F5: variants seen among roughly 807,000 people sequenced by gnomAD.
F5 encodes the protein activated protein c cofactor.
Under a neutral mutation model 216.4 loss-of-function variants are expected in F5, and 138 were observed. The ratio of observed to expected loss-of-function variants is 0.64; its 90% CI spans 0.56 to 0.73. F5 has a LOEUF of 0.73. F5 is among the 30% of genes least tolerant of loss of function. The pLI, the probability that F5 is intolerant of heterozygous loss-of-function variation, is 0.00. For synonymous variants in F5, 916 were observed against 930.7 expected, an observed-to-expected ratio of 0.98 and a Z score of 0.29; for missense variants, 2,403 against 2,674.0, an observed-to-expected ratio of 0.90 and a Z score of 2.24.
At chr1:169,529,429 CCA>C (rs1002985468) in intron 16 of F5, among the ~76,000 whole-genome samples, 177 bp downstream of exon 16, 5 of 152,204 alleles carry the variant, frequency 3.3e-5, no homozygotes, top group Middle Eastern at 3.4e-3. Flanking sequence ...TTTGCCTCAC[CCA>C]CAGTGTCACC....
chr1:169,562,000 A>T (rs1660495982), intron 3 of F5, among the ~76,000 whole-genome samples: 1 of 147,774 alleles, frequency 6.8e-6, no homozygotes, highest in Non-Finnish European at 1.5e-5. Context: ...CCTATTCCCC[A>T]CCCTCCTTCC....
intron 21 of F5, 100 bp from the exon 22 acceptor site, chr1:169,520,764 A>G: frequency 1.0e-6 from 1 of 980,348 alleles, no homozygotes; most frequent in Admixed American, 2.1e-5. Flanking sequence ...CTACATTTTC[A>G]TGGGGTCCAA....
Position 169,549,870 on chromosome 1 carries a change from G to C in F5, c.1542C>G (p.Asp514Glu). 1 of 1,614,168 alleles carries C rather than the reference G, an allele frequency of 6.2e-7. No homozygotes were observed. The highest frequency in any genetic ancestry group is 8.5e-7 in the Non-Finnish European group (1 of 1,180,016). Residue 514 changes from aspartate to glutamate, a missense_variant, in exon 10 of 25, where the codon GAC becomes GAG. Coordinates refer to ENST00000367797, the MANE Select transcript of F5 (RefSeq NM_000130.5). ...PYYSDVDIMRDIASGLIGLLL... is the reference protein window; with the variant it reads ...PYYSDVDIMREIASGLIGLLL... ...GTAGTCCTATTAGCCCAGAGGCGAT[G>C]TCTCTCATGATGTCCACGTCACTGT...
At position 169,528,026 on chromosome 1, in the gene F5, G is replaced by C; in HGVS notation, c.5488C>G (p.Leu1830Val). The change falls in exon 17 of 25, where the codon CTG becomes GTG. Residue 1830 changes from leucine to valine, a missense_variant. Transcript: ENST00000367797. ...TCTTGGGAGCCGCCTATGTTCAGCAGGTGTAACCTCACCCACTCTTGCTCA... is the reference window on the plus strand; with the variant it reads ...TCTTGGGAGCCGCCTATGTTCAGCACGTGTAACCTCACCCACTCTTGCTCA... ...MYEQEWVRLH[L>V]LNIGGSQDIH... 6.2e-7 allele frequency: 1 copy of C among 1,613,926 alleles called. No individual in the cohort carries two copies. The highest frequency in any genetic ancestry group is 8.5e-7 in the Non-Finnish European group (1 of 1,179,870).
chr1:169,544,425 C>T lies in F5; in HGVS notation c.1846G>A (p.Gly616Arg). The T allele has an allele frequency of 1.2e-6, 2 of 1,614,064 alleles. No individual in the cohort carries two copies. The highest frequency in any genetic ancestry group is 2.2e-5 in the East Asian group (1 of 44,882). The change falls in exon 12 of 25, where the codon GGG becomes AGG. Residue 616 changes from glycine (G) to arginine (R), a missense_variant. By Grantham distance (125) the Gly-to-Arg change is moderately radical. This residue lies in a region of F5 where 1,425 missense variants were observed against 1,554.8 expected (regional missense o/e 0.92). Coordinates refer to ENST00000367797, the MANE Select transcript of F5 (RefSeq NM_000130.5). ...ATGGTCAAAATTTCATTCTGGGTCC[C>T]CACACTACAGAAGTGCCACTGGACA... ...DTVQWHFCSV[G>R]TQNEILTIHF...
chr1:169,555,096 T>G, intron 7 of F5, 86 bp downstream of exon 7: 1 of 1,486,884 alleles, frequency 6.7e-7, no homozygotes, highest in Non-Finnish European at 9.4e-7. Flanking sequence ...TTGAGAGCTG[T>G]GAACTTACAT....
rs9332564 is a variant in F5, at chr1:169,560,217, A to G, written c.586+337T>C. Among the ~76,000 whole-genome samples the G allele has an allele frequency of 2.6e-4, 40 of 152,292 alleles. 1 individual carries two copies. The highest frequency in any genetic ancestry group is 9.1e-4 in the African/African-American group (38 of 41,562). On this transcript the variant is annotated intron_variant, in intron 4 of 24. Coordinates refer to ENST00000367797, the MANE Select transcript of F5 (RefSeq NM_000130.5). ...TTCTTTCCAAGAGCTCTTTCAGCAG[A>G]GTATAGGCTACTGTATACTTTCTAA...
At chr1:169,521,901 G>A (rs1305084378) in intron 21 of F5, among the ~76,000 whole-genome samples, 2 of 151,078 alleles carry the variant, frequency 1.3e-5, no homozygotes, top group Non-Finnish European at 2.9e-5. Context: ...TTACAGACGT[G>A]AGCCACTGCG....
intron 9 of F5, among the ~76,000 whole-genome samples, chr1:169,550,299 C>CCCCCCCCCCCG (rs1553221195): frequency 8.2e-6 from 1 of 121,526 alleles, no homozygotes; most frequent in Non-Finnish European, 1.8e-5. Context: ...CCCCCCCCCC[C>CCCCCCCCCCCG]CGACAGGCCC....
At chr1:169,521,340 C>G (rs2101805230) in intron 21 of F5, among the ~76,000 whole-genome samples, 1 of 152,292 alleles carries the variant, frequency 6.6e-6, no homozygotes, top group African/African-American at 2.4e-5. Flanking sequence ...TAATGAAGCT[C>G]CTGCCCCTGC....
rs750405124 is a variant in F5 at position 169,546,481 on chromosome 1, G to A, written c.1723C>T (p.Arg575Cys). 16 of 1,613,942 alleles carry A rather than the reference G, an allele frequency of 9.9e-6. No individual in the cohort carries two copies. The highest frequency in any genetic ancestry group is 2.2e-5 in the East Asian group (1 of 44,894). ...KFCENPDEVKRDDPKFYESNI... is the reference protein window; with the variant it reads ...KFCENPDEVKCDDPKFYESNI... ...GATTCATAAAACTTGGGGTCATCAC[G>A]TTTCACCTCATCAGGATTTTCACAA... The change falls in exon 11 of 25, where the codon CGT (arginine) becomes TGT (cysteine). Residue 575 changes from arginine (R) to cysteine (C), a missense_variant. Physicochemically the swap from Arg to Cys is radical, Grantham distance 180 (BLOSUM62 -3). This residue lies in a region of F5 where 1,425 missense variants were observed against 1,554.8 expected (regional missense o/e 0.92). Coordinates refer to ENST00000367797, the MANE Select transcript of F5 (RefSeq NM_000130.5).
chr1:169,539,753 C>T (rs1485812657), intron 13 of F5, among the ~76,000 whole-genome samples: 1 of 152,188 alleles, frequency 6.6e-6, no homozygotes, highest in Non-Finnish European at 1.5e-5. Context: ...CTTTCCTCCT[C>T]TCTCTTCTCT....
chr1:169,530,180 C>G (rs754995364), intron 15 of F5, among the ~76,000 whole-genome samples: 60 of 152,158 alleles, frequency 3.9e-4, no homozygotes, highest in Admixed American at 3.3e-4. Flanking sequence ...CAAATATTTA[C>G]CAAGTGCTTA....
Position 169,541,358 on chromosome 1 carries a change from G to A in F5, c.3732C>T (p.Leu1244=). 1.2e-6 allele frequency: 2 copies of A among 1,610,868 alleles called. No individual in the cohort carries two copies. Among genetic ancestry groups the A allele is most frequent in the Non-Finnish European group, 1.7e-6 (2 of 1,178,600 alleles). ...GGTCTAAAGAAAGGGTTGTATGGCT[G>A]AGGTCTGGAGAAAGGGTTGTATGGC... ...DLSHTTLSPD[L]SHTTLSLDLS... Residue 1244 remains leucine (L), a synonymous_variant, in exon 13 of 25, where the codon CTC becomes CTT. Transcript: ENST00000367797.
chr1:169,570,200 G>C (rs1024606650), intron 3 of F5, among the ~76,000 whole-genome samples: 1 of 152,066 alleles, frequency 6.6e-6, no homozygotes, highest in South Asian at 2.1e-4. Flanking sequence ...ATAAATAATT[G>C]CTGGCTGTAG....
In F5 at chr1:169,520,531, C is replaced by T. The variant is rs750944413; in HGVS notation, c.6182G>A (p.Cys2061Tyr). Residue 2061 changes from cysteine (C) to tyrosine (Y), a missense_variant, in exon 22 of 25, where the codon TGT (cysteine) becomes TAT (tyrosine). Around this residue, in one of 4 missense-constraint regions of F5, gnomAD observed 659 missense variants for 787.9 expected, o/e 0.84. Transcript: ENST00000367797. ...RPTLRLELQGCEVNGCSTPLG... is the reference protein window; with the variant it reads ...RPTLRLELQGYEVNGCSTPLG... ...TCTTTGTACCTTACCATTTACCTCA[C>T]AACCTTGCAGTTCCAATCGAAGGGT... 3 of 1,614,010 alleles carry T rather than the reference C, an allele frequency of 1.9e-6. No homozygotes were observed. Among genetic ancestry groups the T allele is most frequent in the Non-Finnish European group, 2.5e-6 (3 of 1,179,934 alleles).
intron 2 of F5, among the ~76,000 whole-genome samples, chr1:169,579,445 T>C (rs1660940020): frequency 6.6e-6 from 1 of 152,148 alleles, no homozygotes. Context: ...TGTTCTGATG[T>C]CTCCCAAATG....
At chr1:169,522,093 C>G (rs12239964) in intron 21 of F5, among the ~76,000 whole-genome samples, 8,304 of 151,650 alleles carry the variant, frequency 0.055, 352 homozygotes, top group Admixed American at 0.1. Flanking sequence ...AGGGAATTGA[C>G]CAGTTAATTG....
At chr1:169,546,278 A>G (rs922067943) in intron 11 of F5, among the ~76,000 whole-genome samples, 164 bp downstream of exon 11, 13 of 152,198 alleles carry the variant, frequency 8.5e-5, no homozygotes, top group Middle Eastern at 3.4e-3. Flanking sequence ...AAATGTTGCT[A>G]TGATGTCACC....
Sources: allele counts gnomAD v4.1 joint callset (sites outside exome capture counted in the v4.1 genomes callset), GRCh38; gene constraint gnomAD v4.1.1; regional missense constraint gnomAD v4.1.1; transcripts MANE v1.5; gene names NCBI Gene and HGNC (gene_info 2026-07-23, HGNC 2026-07-21).